The following LRMDA variants were observed in gnomAD, a reference collection of about 807,000 sequenced individuals.
LRMDA encodes leucine rich melanocyte differentiation associated, also known as leucine-rich melanocyte differentiation-associated protein.
A neutral mutation model predicts 29.8 loss-of-function variants in LRMDA; 18 were observed. That is an observed-to-expected ratio of 0.60 (90% CI 0.42 to 0.90). The LOEUF (loss-of-function observed/expected upper bound fraction) is 0.90. Ranked by LOEUF, LRMDA falls within the 40% of genes least tolerant of loss-of-function variation. The probability of loss-of-function intolerance (pLI) is 0.00; values close to 1 mark genes in which losing one functional copy is unlikely to be tolerated. For synonymous variants in LRMDA, 125 were observed against 109.4 expected (o/e 1.14, Z -0.89); for missense variants, 273 against 273.9 (o/e 1.00, Z 0.02).
intron 2 of LRMDA, among the ~76,000 whole-genome samples, chr10:75,506,616 G>T (rs1224261111): frequency 6.6e-6 from 1 of 152,134 alleles, no homozygotes; most frequent in Non-Finnish European, 1.5e-5. Context: ...TCCCCAATTG[G>T]GTTGGTTGTA....
chr10:76,064,925 A>AT (rs914824383), intron 5 of LRMDA, among the ~76,000 whole-genome samples: 255 of 151,432 alleles, frequency 1.7e-3, no homozygotes, highest in East Asian at 5.8e-3. Context: ...TGTTTTTATG[A>AT]TTTTTTTTTC....
At chr10:75,822,381 C>G (rs1400666567) in intron 2 of LRMDA, among the ~76,000 whole-genome samples, 1 of 151,988 alleles carries the variant, frequency 6.6e-6, no homozygotes, top group African/African-American at 2.4e-5. Context: ...TTAAAATTAC[C>G]ATACTGCCCA....
At chr10:75,497,188 A>G (rs1280065262) in intron 2 of LRMDA, among the ~76,000 whole-genome samples, 1 of 152,144 alleles carries the variant, frequency 6.6e-6, no homozygotes, top group Non-Finnish European at 1.5e-5. Context: ...GGTTTCCAAG[A>G]TGTCAAGAAT....
intron 2 of LRMDA, among the ~76,000 whole-genome samples, chr10:75,548,239 G>GC (rs1840102051): frequency 6.6e-6 from 1 of 152,302 alleles, no homozygotes; most frequent in East Asian, 1.9e-4. Flanking sequence ...CTTCTTTAGA[G>GC]CAAGATGGCA....
At chr10:76,353,582 A>G (rs948982698) in intron 6 of LRMDA, among the ~76,000 whole-genome samples, 2 of 152,236 alleles carry the variant, frequency 1.3e-5, no homozygotes, top group Admixed American at 6.5e-5. Flanking sequence ...CAGGGGAGAC[A>G]TAGCTATGCC....
chr10:75,633,511 G>A (rs1841353590), intron 2 of LRMDA, among the ~76,000 whole-genome samples: 1 of 152,162 alleles, frequency 6.6e-6, no homozygotes, highest in Admixed American at 6.5e-5. Context: ...GTTTAGTGAT[G>A]TTTTTACATT....
At chr10:75,613,828 C>T (rs950314894) in intron 2 of LRMDA, among the ~76,000 whole-genome samples, 1 of 152,164 alleles carries the variant, frequency 6.6e-6, no homozygotes, top group Non-Finnish European at 1.5e-5. Context: ...AATACTATAG[C>T]GACTCATAAA....
chr10:76,381,895 A>AG (rs1841597437), intron 6 of LRMDA, among the ~76,000 whole-genome samples: 1 of 152,204 alleles, frequency 6.6e-6, no homozygotes, highest in Admixed American at 6.5e-5. Flanking sequence ...TACTAGAACA[A>AG]GGCTAGGCAG....
intron 6 of LRMDA, among the ~76,000 whole-genome samples, chr10:76,538,315 C>G (rs1458713016): frequency 6.6e-6 from 1 of 151,752 alleles, no homozygotes; most frequent in Non-Finnish European, 1.5e-5. Context: ...TTCCCACATT[C>G]TTTTTGGAAA....
In LRMDA at chr10:75,732,135, A is replaced by G. The variant is rs577356435; in HGVS notation, c.131+293641A>G. On this transcript the variant is annotated intron_variant, in intron 2 of 6. Coordinates refer to ENST00000611255, the MANE Select transcript of LRMDA (RefSeq NM_001305581.2). ...TTTTGTGTGTGTGTAATAAATTTTT[A>G]TCAGTTGGTTCAACCAAATGCATCA... is the stretch of plus-strand genomic sequence containing the variant. Among the ~76,000 whole-genome samples, 230 of 152,324 alleles carry G rather than the reference A, an allele frequency of 1.5e-3. 1 individual carries two copies. The highest frequency in any genetic ancestry group is 2.4e-3 in the Non-Finnish European group (165 of 68,028).
At chr10:76,212,042 C>G (rs1161569492) in intron 5 of LRMDA, among the ~76,000 whole-genome samples, 1 of 152,136 alleles carries the variant, frequency 6.6e-6, no homozygotes, top group Non-Finnish European at 1.5e-5. Context: ...TCACTAGCTT[C>G]TTGGTTCAGC....
intron 2 of LRMDA, among the ~76,000 whole-genome samples, chr10:75,802,335 G>GCACACACACACACA (rs10571839): frequency 1.4e-5 from 2 of 147,146 alleles, no homozygotes; most frequent in African/African-American, 5.1e-5. Context: ...ACACACACGC[G>GCACACACACACACA]CACACACACA....
intron 2 of LRMDA, among the ~76,000 whole-genome samples, chr10:75,502,148 C>CT (rs1845120522): frequency 6.6e-6 from 1 of 152,180 alleles, no homozygotes; most frequent in Admixed American, 6.5e-5. Flanking sequence ...GCATGCCACT[C>CT]TTAACTGTCT....
At chr10:76,340,320 G>A (rs544994587) in intron 6 of LRMDA, among the ~76,000 whole-genome samples, 4 of 151,794 alleles carry the variant, frequency 2.6e-5, no homozygotes, top group South Asian at 4.2e-4. Context: ...GTTTGAGATC[G>A]GCCTGGCCAA....
chr10:75,898,853 T>C (rs1040414626), intron 2 of LRMDA, among the ~76,000 whole-genome samples: 1 of 152,200 alleles, frequency 6.6e-6, no homozygotes, highest in Non-Finnish European at 1.5e-5. Context: ...AGTCTGCTGG[T>C]TCAGGGCCTT....
At position 75,846,700 on chromosome 10, in the gene LRMDA, A is replaced by G. The variant is rs556224064; in HGVS notation, c.132-189308A>G. Among the ~76,000 whole-genome samples the G allele has an allele frequency of 2.6e-5, 4 of 152,290 alleles. No homozygotes were observed. The East Asian group carries it at 5.8e-4, about 22-fold the overall frequency. ...TAGGCAAAGTAAATAAATAAATAAT[A>G]CCGAAATGATACCAAAAACAAACCC... On this transcript the variant is annotated intron_variant, in intron 2 of 6. Transcript: ENST00000611255.
chr10:76,316,339 A>G (rs537576755), intron 5 of LRMDA, among the ~76,000 whole-genome samples: 1 of 152,178 alleles, frequency 6.6e-6, no homozygotes, highest in South Asian at 2.1e-4. Context: ...CAGCGCCTAT[A>G]CTGGCACTTG....
At chr10:75,642,873 C>G (rs1224648441) in intron 2 of LRMDA, 3 of 152,150 alleles carry the variant, frequency 2.0e-5, no homozygotes, top group Non-Finnish European at 4.4e-5. Flanking sequence ...ACTTCAAAAT[C>G]TAGGGATTTG....
chr10:76,322,525 T>C (rs1476189680), intron 5 of LRMDA, among the ~76,000 whole-genome samples: 1 of 152,214 alleles, frequency 6.6e-6, no homozygotes, highest in East Asian at 1.9e-4. Context: ...CATTTTTTGC[T>C]CTACCTACAG....
Sources: allele counts gnomAD v4.1 joint callset (sites outside exome capture counted in the v4.1 genomes callset), GRCh38; gene constraint gnomAD v4.1.1; transcripts MANE v1.5; gene names NCBI Gene and HGNC (gene_info 2026-07-23, HGNC 2026-07-21).